Variants in TDRD3 observed in about 807,000 individuals in gnomAD.
The protein encoded by TDRD3 is tudor domain containing 3.
TDRD3 carries 45 observed loss-of-function variants against 86.7 expected under a neutral mutation model. The ratio of observed to expected loss-of-function variants is 0.52; its 90% CI spans 0.41 to 0.67. The LOEUF is 0.67. Ranked by LOEUF, TDRD3 falls within the 30% of genes least tolerant of loss-of-function variation. The pLI, the probability that TDRD3 is intolerant of heterozygous loss-of-function variation, is 0.00. For synonymous variants in TDRD3, 298 were observed against 301.7 expected (o/e 0.99, Z 0.13); for missense variants, 814 against 889.0 (o/e 0.92, Z 1.07).
chr13:60,419,873 T>A (rs1053972692), intron 1 of TDRD3, among the ~76,000 whole-genome samples: 9 of 152,160 alleles, frequency 5.9e-5, no homozygotes, highest in Non-Finnish European at 1.0e-4. Context: ...GGTAAAATGC[T>A]AATATTTTAA....
chr13:60,571,104 G>T (rs182060161), intron 13 of TDRD3, among the ~76,000 whole-genome samples: 1 of 152,162 alleles, frequency 6.6e-6, no homozygotes, highest in Admixed American at 6.5e-5. Context: ...AAAAAAAATT[G>T]GTGGGGGACA....
intron 12 of TDRD3, among the ~76,000 whole-genome samples, chr13:60,542,243 C>T (rs1258508615): frequency 1.3e-5 from 2 of 151,978 alleles, no homozygotes; most frequent in African/African-American, 2.4e-5. Flanking sequence ...ACCATTCTTT[C>T]GCAAATATAT....
At chr13:60,463,789 A>G (rs1182659249) in intron 4 of TDRD3, among the ~76,000 whole-genome samples, 2 of 152,220 alleles carry the variant, frequency 1.3e-5, no homozygotes, top group African/African-American at 4.8e-5. Context: ...AACTACAATG[A>G]GAGATCATCT....
chr13:60,555,219 T>C (rs1271908796), intron 12 of TDRD3, among the ~76,000 whole-genome samples: 1 of 152,198 alleles, frequency 6.6e-6, no homozygotes, highest in African/African-American at 2.4e-5. Context: ...AATTCATACA[T>C]TTAAGCATAT....
intron 12 of TDRD3, 80 bp downstream of exon 12, chr13:60,535,313 A>C (rs1004173714): frequency 4.2e-6 from 6 of 1,431,474 alleles, no homozygotes; most frequent in Middle Eastern, 4.0e-4. Flanking sequence ...ATAGCCATAC[A>C]AAATATGCAA....
intron 12 of TDRD3, among the ~76,000 whole-genome samples, chr13:60,561,926 T>C (rs79845555): frequency 1.3e-5 from 1 of 79,946 alleles, no homozygotes. Context: ...TAAAGTGGAA[T>C]TTTTTTAAAC....
At chr13:60,462,532 A>G (rs551353376) in intron 4 of TDRD3, among the ~76,000 whole-genome samples, 9 of 152,216 alleles carry the variant, frequency 5.9e-5, no homozygotes, top group Non-Finnish European at 1.2e-4. Context: ...TAGTTATCTT[A>G]GAAGGAAGGT....
intron 10 of TDRD3, among the ~76,000 whole-genome samples, chr13:60,513,380 T>C (rs1957100480): frequency 6.6e-6 from 1 of 152,230 alleles, no homozygotes; most frequent in Non-Finnish European, 1.5e-5. Context: ...TTCCCCATTG[T>C]CTTGGGGATT....
chr13:60,412,698 C>G (rs182122842), intron 1 of TDRD3, among the ~76,000 whole-genome samples: 1 of 152,060 alleles, frequency 6.6e-6, no homozygotes, highest in Admixed American at 6.6e-5. Flanking sequence ...ATTATATTGG[C>G]CAACTGCTTG....
In TDRD3 at chr13:60,469,306, AGT is replaced by A. The variant is rs199653593; in HGVS notation, c.495+1931_495+1932del. 2.9e-3 allele frequency among the ~76,000 whole-genome samples: 437 copies of A among 152,138 alleles called. 1 individual carries two copies. Among genetic ancestry groups the A allele is most frequent in the African/African-American group, 0.01 (417 of 41,498 alleles). Reference sequence around the variant, plus strand: ...TTTTTAATCAGTAGAGATTTTTTAAAGTGTGGTAAAAAGTTCTCAACTCTAAT... The same window carrying A: ...TTTTTAATCAGTAGAGATTTTTTAAAGTGGTAAAAAGTTCTCAACTCTAAT... On this transcript the variant is annotated intron_variant, in intron 5 of 13. Transcript: ENST00000377881.
At chr13:60,490,516 A>G (rs1956562474) in intron 7 of TDRD3, among the ~76,000 whole-genome samples, 1 of 152,182 alleles carries the variant, frequency 6.6e-6, no homozygotes, top group African/African-American at 2.4e-5. Flanking sequence ...TATTGTAAAG[A>G]CATTGTACTT....
At chr13:60,442,301 ATT>A (rs1002556779) in intron 2 of TDRD3, among the ~76,000 whole-genome samples, 1 of 152,060 alleles carries the variant, frequency 6.6e-6, no homozygotes, top group African/African-American at 2.4e-5. Flanking sequence ...TTCTTTTAAG[ATT>A]TTGTATAATA....
At chr13:60,535,439 TATA>T in intron 12 of TDRD3, 1 of 444,590 alleles carries the variant, frequency 2.2e-6, no homozygotes, top group Non-Finnish European at 3.4e-6. Flanking sequence ...ACTTTTCTTG[TATA>T]ATGTTTTGTT....
At chr13:60,439,122 A>G (rs1009244158) in intron 1 of TDRD3, among the ~76,000 whole-genome samples, 6 of 152,158 alleles carry the variant, frequency 3.9e-5, no homozygotes, top group Non-Finnish European at 8.8e-5. Context: ...AAAAAACTGA[A>G]AAGAGATAGG....
chr13:60,533,738 T>G (rs1957636071), intron 11 of TDRD3, among the ~76,000 whole-genome samples: 1 of 152,178 alleles, frequency 6.6e-6, no homozygotes, highest in Non-Finnish European at 1.5e-5. Context: ...CAATTTGTTT[T>G]TTGTGTCCAT....
intron 3 of TDRD3, among the ~76,000 whole-genome samples, chr13:60,459,872 C>T (rs550946757): frequency 2.6e-5 from 4 of 152,238 alleles, no homozygotes; most frequent in Admixed American, 6.5e-5. Context: ...CCACCTGCCT[C>T]GGCCTCCCAA....
intron 1 of TDRD3, among the ~76,000 whole-genome samples, chr13:60,420,774 C>G: frequency 6.6e-6 from 1 of 151,874 alleles, no homozygotes; most frequent in South Asian, 2.1e-4. Context: ...AACCCCGTCT[C>G]TACTAAAAAT....
chr13:60,420,635 C>T (rs930677709), intron 1 of TDRD3, among the ~76,000 whole-genome samples: 2 of 151,972 alleles, frequency 1.3e-5, no homozygotes, highest in African/African-American at 4.8e-5. Context: ...ATTGACTTGG[C>T]ATTTTGATTG....
chr13:60,409,405 A>G (rs1954306875), intron 1 of TDRD3, among the ~76,000 whole-genome samples: 1 of 152,180 alleles, frequency 6.6e-6, no homozygotes, highest in Admixed American at 6.5e-5. Flanking sequence ...TGCACTGTGC[A>G]CCTGGAAAAG....
Sources: allele counts gnomAD v4.1 joint callset (sites outside exome capture counted in the v4.1 genomes callset), GRCh38; gene constraint gnomAD v4.1.1; transcripts MANE v1.5; gene names NCBI Gene and HGNC (gene_info 2026-07-23, HGNC 2026-07-21).